The following INPP5D variants were observed in gnomAD, a reference collection of about 807,000 sequenced individuals.
INPP5D encodes the protein phosphatidylinositol 3,4,5-trisphosphate 5-phosphatase 1.
In INPP5D, 33 loss-of-function variants were observed where a neutral mutation model predicts 122.9. The ratio of observed to expected loss-of-function variants is 0.27; its 90% CI spans 0.20 to 0.36. The LOEUF is 0.36. Ranked by LOEUF, INPP5D falls within the 10% of genes least tolerant of loss-of-function variation. The pLI, the probability that INPP5D is intolerant of heterozygous loss-of-function variation, is 1.00. For synonymous variants in INPP5D, 584 were observed against 576.2 expected, an observed-to-expected ratio of 1.01 and a Z score of -0.19; for missense variants, 1,053 against 1,412.7, an observed-to-expected ratio of 0.75 and a Z score of 4.08.
intron 5 of INPP5D, among the ~76,000 whole-genome samples, chr2:233,132,727 C>T (rs890431583): frequency 2.0e-5 from 3 of 152,112 alleles, no homozygotes; most frequent in Admixed American, 6.6e-5. Flanking sequence ...ATTCGTTCAT[C>T]GAACAAACAT....
At chr2:233,186,070 G>A in intron 21 of INPP5D, 145 bp downstream of exon 21, 1 of 1,215,858 alleles carries the variant, frequency 8.2e-7, no homozygotes, top group Non-Finnish European at 1.1e-6. Flanking sequence ...CACTCTAGGA[G>A]CAAGCTCTCG....
At chr2:233,146,516 AAG>A (rs1693765392) in intron 8 of INPP5D, 78 bp downstream of exon 8, 1 of 700,848 alleles carries the variant, frequency 1.4e-6, no homozygotes, top group East Asian at 2.7e-5. Context: ...TTCCTGTGGA[AAG>A]AGGGATTGGG....
In INPP5D at chr2:233,115,843, G is replaced by A. The variant is rs182506538; in HGVS notation, c.199-6264G>A. ...TCTGCAAGGAGACTTGGGGGACTACGAGGCTGAGCCAAGCAGGGTTCCTTT... is the reference window on the plus strand; with the variant it reads ...TCTGCAAGGAGACTTGGGGGACTACAAGGCTGAGCCAAGCAGGGTTCCTTT... On this transcript the variant is annotated intron_variant, in intron 2 of 26. Coordinates refer to ENST00000445964, the MANE Select transcript of INPP5D (RefSeq NM_001017915.3). Among the ~76,000 whole-genome samples the A allele has an allele frequency of 1.3e-3, 193 of 152,258 alleles. 1 individual carries two copies. The highest frequency in any genetic ancestry group is 2.5e-3 in the South Asian group (12 of 4,830).
At chr2:233,121,536 T>TTTATA (rs1343064595) in intron 2 of INPP5D, among the ~76,000 whole-genome samples, 1 of 151,782 alleles carries the variant, frequency 6.6e-6, no homozygotes, top group Non-Finnish European at 1.5e-5. Flanking sequence ...TTTATTTTAT[T>TTTATA]TTATTTCGAG....
intron 9 of INPP5D, among the ~76,000 whole-genome samples, chr2:233,150,647 C>T (rs1026802608): frequency 6.6e-6 from 1 of 152,174 alleles, no homozygotes; most frequent in African/African-American, 2.4e-5. Context: ...GAACTTTTGT[C>T]GGTTTAATGC....
intron 2 of INPP5D, among the ~76,000 whole-genome samples, chr2:233,094,438 G>A (rs1356973258): frequency 3.0e-5 from 4 of 134,110 alleles, no homozygotes; most frequent in Non-Finnish European, 4.6e-5. Flanking sequence ...GCTTGATCCC[G>A]GCAGGTAGAG....
chr2:233,114,506 G>A (rs1201237757), intron 2 of INPP5D, among the ~76,000 whole-genome samples: 1 of 152,210 alleles, frequency 6.6e-6, no homozygotes, highest in Non-Finnish European at 1.5e-5. Context: ...AGATGAGCTG[G>A]CTCAGAGCAG....
intron 2 of INPP5D, among the ~76,000 whole-genome samples, chr2:233,091,660 G>A (rs774279705): frequency 1.3e-5 from 2 of 152,110 alleles, no homozygotes; most frequent in Non-Finnish European, 2.9e-5. Context: ...AATAATTCAG[G>A]ATCCTCTCCC....
chr2:233,123,794 G>C (rs1693069873), intron 3 of INPP5D, among the ~76,000 whole-genome samples: 1 of 152,214 alleles, frequency 6.6e-6, no homozygotes, highest in Non-Finnish European at 1.5e-5. Context: ...CCAGTAAAAA[G>C]AACGAGATCA....
At chr2:233,167,555 G>T (rs1208128131) in intron 13 of INPP5D, among the ~76,000 whole-genome samples, 1 of 152,196 alleles carries the variant, frequency 6.6e-6, no homozygotes, top group African/African-American at 2.4e-5. Flanking sequence ...CACCCTCCCA[G>T]GTTGCGGGCA....
chr2:233,122,267 G>C lies in INPP5D; in HGVS notation c.349+10G>C. ...CCTGAGGAGGACACAGGTAGGGAGGGAGGGACAGGACGGCAGGAGGTACTT... is the reference window on the plus strand; with the variant it reads ...CCTGAGGAGGACACAGGTAGGGAGGCAGGGACAGGACGGCAGGAGGTACTT... On this transcript the variant is annotated intron_variant, in intron 3 of 26. Transcript: ENST00000445964. The C allele has an allele frequency of 1.2e-6, 2 of 1,612,770 alleles. No homozygotes were observed. Among genetic ancestry groups the C allele is most frequent in the East Asian group, 4.5e-5 (2 of 44,880 alleles).
At chr2:233,179,594 A>G (rs1694733533) in intron 18 of INPP5D, among the ~76,000 whole-genome samples, 1 of 152,210 alleles carries the variant, frequency 6.6e-6, no homozygotes, top group South Asian at 2.1e-4. Flanking sequence ...TTGGGGAGGA[A>G]AACAAGCCTC....
At chr2:233,156,784 G>A (rs1694065461) in intron 9 of INPP5D, among the ~76,000 whole-genome samples, 1 of 152,156 alleles carries the variant, frequency 6.6e-6, no homozygotes, top group Admixed American at 6.5e-5. Flanking sequence ...CTCCCAAAAG[G>A]AAAACAGGTG....
In INPP5D at chr2:233,138,777, G is replaced by T. The variant is rs146324572; in HGVS notation, c.666-1065G>T. Among the ~76,000 whole-genome samples the T allele has an allele frequency of 7.1e-3, 1,083 of 151,612 alleles. 19 individuals carry two copies. The highest frequency in any genetic ancestry group is 0.025 in the African/African-American group (1,039 of 41,306). On this transcript the variant is annotated intron_variant, in intron 5 of 26. Transcript: ENST00000445964. ...TTTTTATTTTTGAGACAAGAGTCTC[G>T]CTCTGTCGCCCAGGCTGGAGTGCAG...
intron 25 of INPP5D, among the ~76,000 whole-genome samples, chr2:233,199,816 G>A (rs1415626506): frequency 3.3e-5 from 5 of 151,716 alleles, no homozygotes; most frequent in South Asian, 4.2e-4. Flanking sequence ...GCGACAAAGC[G>A]AGACTCCATC....
intron 9 of INPP5D, among the ~76,000 whole-genome samples, chr2:233,151,169 G>T (rs555078896): frequency 3.3e-5 from 5 of 152,110 alleles, no homozygotes; most frequent in Admixed American, 1.3e-4. Flanking sequence ...AGAAAATCCA[G>T]CTCTAGTTAA....
chr2:233,152,941 A>G (rs558504651), intron 9 of INPP5D, among the ~76,000 whole-genome samples: 1 of 152,298 alleles, frequency 6.6e-6, no homozygotes, highest in East Asian at 1.9e-4. Context: ...GGAAGAGAGG[A>G]AGAGTGGAGA....
intron 17 of INPP5D, among the ~76,000 whole-genome samples, chr2:233,172,736 G>A (rs1172821386): frequency 1.3e-5 from 2 of 152,170 alleles, no homozygotes; most frequent in Non-Finnish European, 2.9e-5. Context: ...CTTCGTCATT[G>A]TGGGAACCTC....
intron 2 of INPP5D, among the ~76,000 whole-genome samples, chr2:233,112,064 G>GA (rs111594925): frequency 1.3e-3 from 150 of 117,202 alleles, no homozygotes; most frequent in East Asian, 3.1e-3. Flanking sequence ...ACTCTGTCTT[G>GA]AAAAAAAAAA....
Sources: gnomAD v4.1 joint callset for allele counts (sites outside exome capture counted in the v4.1 genomes callset) on GRCh38, gnomAD v4.1.1 for gene constraint, MANE v1.5 for transcripts, NCBI Gene and HGNC (gene_info 2026-07-23, HGNC 2026-07-21) for gene names.